TRPM3: variants seen among roughly 807,000 people sequenced by gnomAD.
TRPM3 encodes the protein transient receptor potential cation channel subfamily M member 3, also known as long transient receptor potential channel 3.
Under a neutral mutation model 181.2 loss-of-function variants are expected in TRPM3, and 77 were observed. The observed-to-expected ratio is 0.42, with a 90% confidence interval of 0.35 to 0.51. TRPM3 has a LOEUF of 0.51. Ranked by LOEUF, TRPM3 falls within the 20% of genes least tolerant of loss-of-function variation. The pLI, the probability that TRPM3 is intolerant of heterozygous loss-of-function variation, is 0.01. For synonymous variants in TRPM3, 745 were observed against 796.4 expected, an observed-to-expected ratio of 0.94 and a Z score of 1.09; for missense variants, 1,759 against 2,196.7, an observed-to-expected ratio of 0.80 and a Z score of 3.98.
At chr9:70,910,772 A>T (rs2096529707) in intron 1 of TRPM3, among the ~76,000 whole-genome samples, 1 of 152,162 alleles carries the variant, frequency 6.6e-6, no homozygotes, top group African/African-American at 2.4e-5. Context: ...GTTTGCGTAT[A>T]GTTACTATTT....
intron 1 of TRPM3, among the ~76,000 whole-genome samples, chr9:71,141,787 G>T (rs180752436): frequency 2.0e-5 from 3 of 151,992 alleles, no homozygotes; most frequent in Non-Finnish European, 2.9e-5. Context: ...CATGTCTGTC[G>T]TTCTGCTGGT....
intron 1 of TRPM3, among the ~76,000 whole-genome samples, chr9:70,869,945 G>A (rs1049649245): frequency 1.3e-5 from 2 of 151,952 alleles, no homozygotes; most frequent in Non-Finnish European, 2.9e-5. Context: ...GAACAAACTG[G>A]GAGATAAAAG....
intron 1 of TRPM3, among the ~76,000 whole-genome samples, chr9:71,402,731 A>G (rs1711547008): frequency 6.6e-6 from 1 of 152,142 alleles, no homozygotes. Context: ...ATGAAGTAGT[A>G]TATGCTTATT....
chr9:70,626,385 G>C (rs1055111914), intron 12 of TRPM3, among the ~76,000 whole-genome samples: 1 of 152,144 alleles, frequency 6.6e-6, no homozygotes, highest in Non-Finnish European at 1.5e-5. Context: ...GAAGCCTCAT[G>C]CCCTTAGATC....
At chr9:70,924,945 T>C (rs1333095180) in intron 1 of TRPM3, among the ~76,000 whole-genome samples, 3 of 152,174 alleles carry the variant, frequency 2.0e-5, no homozygotes, top group Non-Finnish European at 4.4e-5. Flanking sequence ...AAGATGATGA[T>C]CGCTGAACCT....
chr9:70,813,314 G>A (rs1588709744), intron 6 of TRPM3, among the ~76,000 whole-genome samples: 1 of 151,954 alleles, frequency 6.6e-6, no homozygotes, highest in Non-Finnish European at 1.5e-5. Flanking sequence ...ATACACCAGG[G>A]AATACTATGC....
At chr9:71,446,893 C>T (rs2094211106), upstream of TRPM3, 3 of 1,446,484 alleles carry the variant, frequency 2.1e-6, no homozygotes, top group Non-Finnish European at 1.8e-6. Context: ...CTCGCTGGCT[C>T]CTCGCCGCGG....
At chr9:70,645,372 T>G (rs1054883691) in intron 9 of TRPM3, among the ~76,000 whole-genome samples, 1 of 151,820 alleles carries the variant, frequency 6.6e-6, no homozygotes, top group Non-Finnish European at 1.5e-5. Flanking sequence ...TATATATCAA[T>G]GGAACAGAGC....
intron 1 of TRPM3, among the ~76,000 whole-genome samples, chr9:71,086,314 T>C (rs551042221): frequency 1.3e-5 from 2 of 151,804 alleles, no homozygotes; most frequent in Admixed American, 6.6e-5. Context: ...AATATACTCA[T>C]AGGAAAAACT....
intron 22 of TRPM3, among the ~76,000 whole-genome samples, chr9:70,587,013 T>A (rs867335403): frequency 1.3e-5 from 2 of 151,924 alleles, no homozygotes; most frequent in Non-Finnish European, 2.9e-5. Flanking sequence ...TTTTTTTTTT[T>A]ATAGCAAACC....
intron 1 of TRPM3, among the ~76,000 whole-genome samples, chr9:71,256,219 G>A (rs574932684): frequency 2.0e-3 from 307 of 152,258 alleles, no homozygotes; most frequent in Middle Eastern, 3.4e-3. Flanking sequence ...AGTTTCTGGG[G>A]ATAATGGTTT....
intron 1 of TRPM3, among the ~76,000 whole-genome samples, chr9:71,258,209 A>G (rs2082795608): frequency 6.6e-6 from 1 of 152,306 alleles, no homozygotes; most frequent in African/African-American, 2.4e-5. Context: ...AAGTCTTACC[A>G]ATAACATTAT....
intron 1 of TRPM3, among the ~76,000 whole-genome samples, chr9:71,412,722 A>G (rs1242789137): frequency 6.6e-6 from 1 of 152,204 alleles, no homozygotes; most frequent in Non-Finnish European, 1.5e-5. Context: ...TAGAAATACC[A>G]TTTGACCCAG....
At chr9:70,694,671 G>A (rs1181475565) in intron 8 of TRPM3, among the ~76,000 whole-genome samples, 2 of 152,034 alleles carry the variant, frequency 1.3e-5, no homozygotes, top group African/African-American at 4.8e-5. Flanking sequence ...TAGTAGAGAT[G>A]GGGTTTCACC....
chr9:70,571,202 G>A (rs571105298), intron 22 of TRPM3, among the ~76,000 whole-genome samples: 66 of 152,174 alleles, frequency 4.3e-4, no homozygotes, highest in African/African-American at 1.3e-3. Flanking sequence ...CTCCGGAGCC[G>A]GCCAACATGG....
At chr9:71,108,448 C>T (rs140095243) in intron 1 of TRPM3, among the ~76,000 whole-genome samples, 269 of 152,154 alleles carry the variant, frequency 1.8e-3, no homozygotes, top group Non-Finnish European at 2.2e-3. Flanking sequence ...TCTAGGTGGC[C>T]ATTTTTAAAT....
At chr9:71,022,862 T>C (rs1232784657) in intron 1 of TRPM3, among the ~76,000 whole-genome samples, 1 of 152,010 alleles carries the variant, frequency 6.6e-6, no homozygotes, top group Non-Finnish European at 1.5e-5. Context: ...TAAAATGGAT[T>C]ACAGATATAT....
chr9:70,892,659 A>G (rs529630874), intron 1 of TRPM3, among the ~76,000 whole-genome samples: 2 of 151,690 alleles, frequency 1.3e-5, no homozygotes, highest in South Asian at 2.1e-4. Context: ...ATGAGAATCT[A>G]TCACATTCAT....
intron 1 of TRPM3, among the ~76,000 whole-genome samples, chr9:71,110,840 T>C (rs775941679): frequency 6.6e-6 from 1 of 152,214 alleles, no homozygotes; most frequent in African/African-American, 2.4e-5. Flanking sequence ...CTTGCTTGTA[T>C]AAATGACTAG....
Sources: allele counts gnomAD v4.1 joint callset (sites outside exome capture counted in the v4.1 genomes callset), GRCh38; gene constraint gnomAD v4.1.1; transcripts MANE v1.5; gene names NCBI Gene and HGNC (gene_info 2026-07-23, HGNC 2026-07-21).